The following SNRNP40 variants were observed in gnomAD, a reference collection of about 807,000 sequenced individuals.
SNRNP40 encodes the protein small nuclear ribonucleoprotein U5 subunit 40.
A neutral mutation model predicts 45.8 loss-of-function variants in SNRNP40; 21 were observed. That is an observed-to-expected ratio of 0.46 (90% CI 0.32 to 0.66). The LOEUF is 0.66. SNRNP40 is among the 30% of genes least tolerant of loss of function. SNRNP40 has a pLI of 0.03. For synonymous variants in SNRNP40, 142 were observed against 163.8 expected (o/e 0.87, Z 1.01); for missense variants, 344 against 439.1 (o/e 0.78, Z 1.94).
intron 8 of SNRNP40, among the ~76,000 whole-genome samples, chr1:31,266,111 T>A (rs747921735): frequency 3.4e-4 from 52 of 152,260 alleles, no homozygotes; most frequent in Non-Finnish European, 6.0e-4. Flanking sequence ...TCCATTTTTC[T>A]TGGCATTAAA....
chr1:31,266,950 G>T (rs1645901384), intron 8 of SNRNP40, among the ~76,000 whole-genome samples: 1 of 152,204 alleles, frequency 6.6e-6, no homozygotes, highest in Non-Finnish European at 1.5e-5. Context: ...CACTTTGTCT[G>T]TCTGATTGTA....
intron 5 of SNRNP40, among the ~76,000 whole-genome samples, chr1:31,281,084 T>C (rs1340014182): frequency 6.6e-6 from 1 of 152,248 alleles, no homozygotes; most frequent in Non-Finnish European, 1.5e-5. Context: ...AAAAAAGATT[T>C]TGAATGTCTT....
intron 9 of SNRNP40, 49 bp from the exon 10 acceptor site, chr1:31,260,170 C>T: frequency 1.5e-6 from 2 of 1,375,938 alleles, no homozygotes; most frequent in East Asian, 2.3e-5. Context: ...CTCAAGGAGA[C>T]TTGGTGCTCA....
At chr1:31,280,595 G>GT (rs1646010196) in intron 5 of SNRNP40, among the ~76,000 whole-genome samples, 1 of 152,176 alleles carries the variant, frequency 6.6e-6, no homozygotes, top group Admixed American at 6.5e-5. Flanking sequence ...AAAGCAGAAG[G>GT]TAAGGTCAAA....
At chr1:31,271,643 C>CT in intron 5 of SNRNP40, 144 bp from the exon 6 acceptor site, 1 of 787,394 alleles carries the variant, frequency 1.3e-6, no homozygotes, top group Non-Finnish European at 1.9e-6. Flanking sequence ...AGAAAAACAC[C>CT]TTTTTTTAAT....
rs750906112 is a variant in SNRNP40 at position 31,296,690 on chromosome 1, C to T, written c.62G>A (p.Arg21Gln). The change falls in exon 1 of 10, where the codon CGG (arginine) becomes CAG (glutamine). Residue 21 changes from arginine (R) to glutamine (Q), a missense_variant. Arg to Gln is a conservative substitution (Grantham distance 43). Transcript: ENST00000263694. ...ELPLVPVKRQRHELLLGAGSG... is the reference protein window; with the variant it reads ...ELPLVPVKRQQHELLLGAGSG... ...CCCCGCTCCCAACAGCAACTCATGC[C>T]GCTGCCGCTTGACTGGAACCAGCGG... 28 of 1,613,804 alleles carry T rather than the reference C, an allele frequency of 1.7e-5. No homozygotes were observed. The highest frequency in any genetic ancestry group is 3.3e-5 in the Admixed American group (2 of 59,980).
Position 31,293,199 on chromosome 1 carries a change from A to G in SNRNP40, c.271+20T>C, listed in dbSNP as rs1646119073. On this transcript the variant is annotated intron_variant, in intron 2 of 9. Transcript: ENST00000263694. ...TATCTGGCAGGAAAAATTATTCCAG[A>G]TTCAAAAACTATGCCTCACATATCA... 6.2e-7 allele frequency: 1 copy of G among 1,612,556 alleles called. No individual in the cohort carries two copies. The highest frequency in any genetic ancestry group is 8.5e-7 in the Non-Finnish European group (1 of 1,179,570).
At chr1:31,274,859 T>G (rs1358328355) in intron 5 of SNRNP40, among the ~76,000 whole-genome samples, 1 of 152,146 alleles carries the variant, frequency 6.6e-6, no homozygotes, top group Non-Finnish European at 1.5e-5. Context: ...ATACACAGAA[T>G]TTGTTTAACT....
chr1:31,295,011 C>T (rs529018479), intron 1 of SNRNP40, among the ~76,000 whole-genome samples: 8 of 151,334 alleles, frequency 5.3e-5, no homozygotes, highest in African/African-American at 1.9e-4. Flanking sequence ...AACAATGGAG[C>T]TCGCTGTTCC....
intron 4 of SNRNP40, among the ~76,000 whole-genome samples, chr1:31,283,138 C>A (rs60350338): frequency 0.093 from 14,103 of 152,168 alleles, 2,209 homozygotes; most frequent in African/African-American, 0.32. Flanking sequence ...TGAAGGCAGG[C>A]TCCAACATAC....
At chr1:31,281,715 A>G (rs1203232248) in intron 4 of SNRNP40, 1 of 374,192 alleles carries the variant, frequency 2.7e-6, no homozygotes, top group Non-Finnish European at 4.9e-6. Flanking sequence ...CTTCGGTTAT[A>G]TTTTCAGACT....
intron 7 of SNRNP40, 152 bp from the exon 8 acceptor site, chr1:31,268,084 A>G (rs762717945): frequency 3.0e-4 from 167 of 550,736 alleles, no homozygotes; most frequent in Non-Finnish European, 5.1e-4. Context: ...CTATGGCCCA[A>G]AACAGCATAC....
chr1:31,264,789 G>T (rs1342086436), intron 8 of SNRNP40, among the ~76,000 whole-genome samples: 2 of 152,168 alleles, frequency 1.3e-5, no homozygotes, highest in African/African-American at 4.8e-5. Context: ...TAAGTTATTA[G>T]TTAGTAGAAA....
chr1:31,284,369 C>T (rs909066511), intron 4 of SNRNP40, among the ~76,000 whole-genome samples: 2 of 152,202 alleles, frequency 1.3e-5, no homozygotes, highest in East Asian at 1.9e-4. Context: ...AGGCTGGTCT[C>T]GAACTCCTGA....
chr1:31,293,564 T>C (rs1014322919), intron 1 of SNRNP40, among the ~76,000 whole-genome samples: 1 of 152,202 alleles, frequency 6.6e-6, no homozygotes, highest in African/African-American at 2.4e-5. Context: ...TCTTGTTCAC[T>C]CTCTCAGCTC....
At chr1:31,284,268 C>T (rs1188334871) in intron 4 of SNRNP40, among the ~76,000 whole-genome samples, 1 of 152,188 alleles carries the variant, frequency 6.6e-6, no homozygotes. Context: ...CCTGCTTTAG[C>T]CTCCTGGATA....
chr1:31,294,312 G>C (rs1646126436), intron 1 of SNRNP40, among the ~76,000 whole-genome samples: 1 of 152,096 alleles, frequency 6.6e-6, no homozygotes, highest in South Asian at 2.1e-4. Flanking sequence ...GGGTGAAGTA[G>C]TTTTGATTAT....
chr1:31,264,595 T>C (rs1266420153), intron 8 of SNRNP40, among the ~76,000 whole-genome samples: 3 of 152,234 alleles, frequency 2.0e-5, no homozygotes, highest in East Asian at 1.9e-4. Flanking sequence ...AGGTAATATA[T>C]GCAAAGTGCC....
At chr1:31,290,653 G>A (rs529509457) in intron 3 of SNRNP40, among the ~76,000 whole-genome samples, 23 of 152,086 alleles carry the variant, frequency 1.5e-4, no homozygotes, top group Non-Finnish European at 2.5e-4. Context: ...CAAGGCGGGC[G>A]GATCACAAGG....
Sources: gnomAD v4.1 joint callset for allele counts (sites outside exome capture counted in the v4.1 genomes callset) on GRCh38, gnomAD v4.1.1 for gene constraint, MANE v1.5 for transcripts, NCBI Gene and HGNC (gene_info 2026-07-23, HGNC 2026-07-21) for gene names.